Variants in TBC1D4 observed in about 807,000 individuals in gnomAD.
The protein encoded by TBC1D4 is TBC (Tre-2, BUB2, CDC16) domain-containing protein.
Under a neutral mutation model 142.5 loss-of-function variants are expected in TBC1D4, and 121 were observed. The ratio of observed to expected loss-of-function variants is 0.85; its 90% CI spans 0.73 to 0.99. The LOEUF is 0.99. Among genes scored for constraint, TBC1D4 ranks in the 50% least tolerant of loss-of-function variants. The pLI is 0.00. For synonymous variants in TBC1D4, 630 were observed against 628.2 expected, an observed-to-expected ratio of 1.00 and a Z score of -0.04; for missense variants, 1,475 against 1,606.6, an observed-to-expected ratio of 0.92 and a Z score of 1.40.
chr13:75,351,362 TC>T lies in TBC1D4; in HGVS notation c.1276-2061del, dbSNP rs1566412462. On this transcript the variant is annotated intron_variant, in intron 4 of 20. Transcript: ENST00000377636. Reference sequence around the variant, plus strand: ...TTAAATTATCCAATAAAGAATGGCATCAATCCTATTTTTTTGGGGGGGTATA... The same window carrying T: ...TTAAATTATCCAATAAAGAATGGCATAATCCTATTTTTTTGGGGGGGTATA... Among the ~76,000 whole-genome samples the T allele has an allele frequency of 6.6e-5, 10 of 152,252 alleles. No individual in the cohort carries two copies. The East Asian group carries it at 1.7e-3, about 26-fold the overall frequency.
chr13:75,296,443 T>A (rs549752632), intron 17 of TBC1D4, among the ~76,000 whole-genome samples: 23 of 152,280 alleles, frequency 1.5e-4, no homozygotes, highest in African/African-American at 5.3e-4. Flanking sequence ...TACTTCAACA[T>A]GTAATTTTTT....
chr13:75,372,936 G>C (rs368883577), intron 1 of TBC1D4, among the ~76,000 whole-genome samples: 3 of 152,124 alleles, frequency 2.0e-5, no homozygotes, highest in Non-Finnish European at 4.4e-5. Context: ...GGAAACATAC[G>C]TCTTGGTCCT....
chr13:75,438,531 G>C (rs1886896877), intron 1 of TBC1D4, among the ~76,000 whole-genome samples: 1 of 152,144 alleles, frequency 6.6e-6, no homozygotes, highest in Non-Finnish European at 1.5e-5. Flanking sequence ...AGAAAGTCTA[G>C]CCAGCAAACC....
At chr13:75,331,632 C>T (rs906868419) in intron 8 of TBC1D4, among the ~76,000 whole-genome samples, 6 of 152,116 alleles carry the variant, frequency 3.9e-5, no homozygotes, top group Admixed American at 2.0e-4. Flanking sequence ...TGTTTTACTA[C>T]ATTGTGATTT....
At chr13:75,369,587 T>A (rs560186432) in intron 1 of TBC1D4, among the ~76,000 whole-genome samples, 1 of 152,196 alleles carries the variant, frequency 6.6e-6, no homozygotes, top group Admixed American at 6.5e-5. Context: ...AAGGTACACA[T>A]CATGCTGTTA....
At position 75,294,912 on chromosome 13, in the gene TBC1D4, G is replaced by A; in HGVS notation, c.3258C>T (p.Pro1086=). ...GAGAGGCAAACAATGTGAGGAACCA[G>A]GGGGCAGCATAAAGACTGGGGCTGA... ...NEISPSLYAA[P]WFLTLFASQF... The change falls in exon 18 of 21, where the codon CCC becomes CCT. Residue 1086 remains proline (P), a synonymous_variant. Transcript: ENST00000377636. The A allele has an allele frequency of 6.2e-7, 1 of 1,614,000 alleles. No homozygotes were observed. The highest frequency in any genetic ancestry group is 8.5e-7 in the Non-Finnish European group (1 of 1,179,906).
In TBC1D4 at chr13:75,481,853, G is replaced by C; in HGVS notation, c.-86C>G. 7.2e-7 allele frequency: 1 copy of C among 1,390,136 alleles called. No homozygotes were observed. The highest frequency in any genetic ancestry group is 1.7e-5 in the South Asian group (1 of 59,846). 86.1% of individuals were successfully genotyped at this position (1,390,136 alleles called of 1,614,324 possible). A position where few individuals can be genotyped will look rare whatever the true frequency, so the allele number is the denominator to read the frequency against. ...GCGCAGAAGGCGCCGCCGAAACTGT[G>C]CCAACTGCCGCACCGGGCTCCCGCG... On this transcript the variant is annotated 5_prime_UTR_variant, in exon 1 of 21. Transcript: ENST00000377636.
rs202233246 is a variant in TBC1D4 at position 75,343,837 on chromosome 13, CTTTAT to C, written c.1409-2255_1409-2251del. Among the ~76,000 whole-genome samples the C allele has an allele frequency of 3.2e-3, 485 of 150,706 alleles. 2 individuals carry two copies. Among genetic ancestry groups the C allele is most frequent in the Middle Eastern group, 0.011 (3 of 278 alleles). On this transcript the variant is annotated intron_variant, in intron 5 of 20. Transcript: ENST00000377636. The stretch of plus-strand genomic sequence containing the variant: ...TTGTGTTTATTTTTATTTTATTTTA[CTTTAT>C]TTTATTTTATTTTTTGAGGCAGAGT...
chr13:75,439,670 G>T (rs1252735238), intron 1 of TBC1D4, among the ~76,000 whole-genome samples: 1 of 151,958 alleles, frequency 6.6e-6, no homozygotes, highest in Admixed American at 6.6e-5. Flanking sequence ...TTTTGAGATG[G>T]AGTCTCACTC....
intron 16 of TBC1D4, among the ~76,000 whole-genome samples, chr13:75,301,245 A>G (rs1464443838): frequency 6.6e-6 from 1 of 152,146 alleles, no homozygotes; most frequent in Non-Finnish European, 1.5e-5. Context: ...AATAATGTAG[A>G]TATTTTTAAA....
chr13:75,449,518 G>A (rs1887439624), intron 1 of TBC1D4, among the ~76,000 whole-genome samples: 1 of 141,014 alleles, frequency 7.1e-6, no homozygotes, highest in Middle Eastern at 3.6e-3. Context: ...ACTGAAACCT[G>A]AAAGTGAAAC....
intron 14 of TBC1D4, 38 bp downstream of exon 14, chr13:75,309,904 C>A: frequency 6.2e-7 from 1 of 1,605,746 alleles, no homozygotes; most frequent in Non-Finnish European, 8.5e-7. Flanking sequence ...ACCCTTCAAT[C>A]ATAGCATCAT....
At chr13:75,462,560 T>C (rs1888015727) in intron 1 of TBC1D4, among the ~76,000 whole-genome samples, 1 of 150,090 alleles carries the variant, frequency 6.7e-6, no homozygotes, top group South Asian at 2.1e-4. Context: ...AAAAAAAAGA[T>C]TTGACAAAGC....
At chr13:75,354,455 AT>A (rs1246352095) in intron 4 of TBC1D4, among the ~76,000 whole-genome samples, 2 of 152,240 alleles carry the variant, frequency 1.3e-5, no homozygotes, top group African/African-American at 4.8e-5. Flanking sequence ...GAAAAGAGAC[AT>A]TCTTATCTTT....
chr13:75,348,952 A>C (rs538082084), intron 5 of TBC1D4, among the ~76,000 whole-genome samples: 1 of 119,998 alleles, frequency 8.3e-6, no homozygotes, highest in African/African-American at 3.4e-5. Flanking sequence ...AGAGAGAGAG[A>C]GAGTGTGTGT....
chr13:75,449,120 T>C (rs1040638119), intron 1 of TBC1D4, among the ~76,000 whole-genome samples: 40 of 151,990 alleles, frequency 2.6e-4, no homozygotes, highest in African/African-American at 8.9e-4. Context: ...TTAACACATA[T>C]AATACTAACG....
At chr13:75,371,602 T>C (rs1482912175) in intron 1 of TBC1D4, among the ~76,000 whole-genome samples, 2 of 152,144 alleles carry the variant, frequency 1.3e-5, no homozygotes, top group African/African-American at 4.8e-5. Context: ...TCTGGGCTGT[T>C]TGTGGGCTAA....
In TBC1D4 at chr13:75,292,413, T is replaced by A. The variant is rs183088768; in HGVS notation, c.3317-142A>T. ...TGGTCAAAAGCATCTAGCTTTTTTT[T>A]AAAAAAGCAATATAACTAAACATAT... On this transcript the variant is annotated intron_variant, in intron 18 of 20. Transcript: ENST00000377636. 2.6e-3 allele frequency: 1,710 copies of A among 662,006 alleles called. 3 individuals carry two copies. The highest frequency in any genetic ancestry group is 4.9e-3 in the Middle Eastern group (12 of 2,436). The allele number at this position is 662,006 out of a possible 1,614,324, so 41.0% of individuals were successfully genotyped here.
intron 1 of TBC1D4, among the ~76,000 whole-genome samples, chr13:75,476,647 TC>T (rs1432591660): frequency 1.3e-5 from 2 of 152,114 alleles, no homozygotes; most frequent in East Asian, 3.9e-4. Context: ...TATTCCAGAG[TC>T]AAATATTATT....
Sources: gnomAD v4.1 joint callset for allele counts (sites outside exome capture counted in the v4.1 genomes callset) on GRCh38, gnomAD v4.1.1 for gene constraint, MANE v1.5 for transcripts, NCBI Gene and HGNC (gene_info 2026-07-23, HGNC 2026-07-21) for gene names.